GSDMC: variants seen among roughly 807,000 people sequenced by gnomAD.
The protein encoded by GSDMC is gasdermin-C.
GSDMC carries 59 observed loss-of-function variants against 58.0 expected under a neutral mutation model. The observed-to-expected ratio is 1.02, with a 90% CI of 0.82 to 1.26. The LOEUF (loss-of-function observed/expected upper bound fraction) is 1.26, where lower values mean the gene tolerates loss of function less well. GSDMC is among the 50% of genes most tolerant of loss of function. The pLI is 0.00. For missense variants in GSDMC, 659 were observed against 598.5 expected, an observed-to-expected ratio of 1.10 and a Z score of -1.06; for synonymous variants, 241 against 220.2, an observed-to-expected ratio of 1.09 and a Z score of -0.83.
At position 129,750,261 on chromosome 8, in the gene GSDMC, T is replaced by TG. The variant is rs1308879682; in HGVS notation, c.1084-143dup. On this transcript the variant is annotated intron_variant, in intron 11 of 13. Transcript: ENST00000276708. Reference sequence around the variant, plus strand: ...AGGGGATTCCAAGCAGCCTCAGTAGTGGGGGCGACACTTCCCTGGCCCATT... The same window carrying TG: ...AGGGGATTCCAAGCAGCCTCAGTAGTGGGGGGCGACACTTCCCTGGCCCATT... 5 of 998,562 alleles carry TG rather than the reference T, an allele frequency of 5.0e-6. No individual in the cohort carries two copies. The Admixed American group carries it at 1.1e-4, about 23-fold the overall frequency. The allele number at this position is 998,562 out of a possible 1,614,324, so 61.9% of individuals were successfully genotyped here. A position where few individuals can be genotyped will look rare whatever the true frequency, so the allele number is the denominator to read the frequency against.
At chr8:129,736,424 C>G in the GSDMC span, among the ~76,000 whole-genome samples, 2 of 152,226 alleles carry the variant, frequency 1.3e-5, no homozygotes, top group Non-Finnish European at 2.9e-5. Context: ...AGCAGCACAT[C>G]AAAAAGCTAT....
chr8:129,777,236 C>T, intron 2 of GSDMC, 132 bp downstream of exon 2: 1 of 583,654 alleles, frequency 1.7e-6, no homozygotes, highest in Non-Finnish European at 3.0e-6. Context: ...CGTTTCTTGC[C>T]CCTTGCCTAT....
At chr8:129,711,543 G>A in the GSDMC span, among the ~76,000 whole-genome samples, 1 of 152,126 alleles carries the variant, frequency 6.6e-6, no homozygotes, top group Non-Finnish European at 1.5e-5. Flanking sequence ...ATGAGTTCAA[G>A]ACTAAGGAAA....
chr8:129,778,074 T>C (rs926895256), intron 1 of GSDMC, among the ~76,000 whole-genome samples: 4 of 152,192 alleles, frequency 2.6e-5, no homozygotes, highest in African/African-American at 9.7e-5. Flanking sequence ...AGGCGGGGCT[T>C]ATGTTAAGAT....
At chr8:129,717,259 T>C in the GSDMC span, among the ~76,000 whole-genome samples, 1 of 149,976 alleles carries the variant, frequency 6.7e-6, no homozygotes, top group Admixed American at 6.6e-5. Flanking sequence ...GCTTTTTTTT[T>C]TTTTTTTTTT....
intron 3 of GSDMC, among the ~76,000 whole-genome samples, chr8:129,774,594 C>G (rs1330972219): frequency 6.7e-6 from 1 of 148,936 alleles, no homozygotes; most frequent in Admixed American, 6.7e-5. Context: ...AGTTTCTGAA[C>G]AGCAAAGGAA....
chr8:129,730,726 A>G, the GSDMC span, among the ~76,000 whole-genome samples: 2 of 152,342 alleles, frequency 1.3e-5, no homozygotes, highest in Admixed American at 1.3e-4. Flanking sequence ...GCAGTCTCCT[A>G]CTTAATGACA....
the GSDMC span, among the ~76,000 whole-genome samples, chr8:129,732,878 A>G: frequency 6.6e-6 from 1 of 152,220 alleles, no homozygotes; most frequent in Non-Finnish European, 1.5e-5. Context: ...CAGGAAGTGC[A>G]AGGGGTCACG....
At chr8:129,785,797 G>A (rs893963642) in intron 1 of GSDMC, among the ~76,000 whole-genome samples, 3 of 151,984 alleles carry the variant, frequency 2.0e-5, no homozygotes, top group Admixed American at 6.5e-5. Flanking sequence ...GCTTCTTTAA[G>A]ACTGGACCTG....
intron 3 of GSDMC, among the ~76,000 whole-genome samples, chr8:129,772,538 T>C (rs963930009): frequency 6.6e-6 from 1 of 152,064 alleles, no homozygotes; most frequent in African/African-American, 2.4e-5. Flanking sequence ...AATGGATAAA[T>C]TCCCAGAAAC....
At chr8:129,737,668 G>A in the GSDMC span, among the ~76,000 whole-genome samples, 2 of 152,176 alleles carry the variant, frequency 1.3e-5, no homozygotes, top group East Asian at 3.9e-4. Flanking sequence ...AATTCAAGAT[G>A]GATTAAAGAC....
chr8:129,725,330 T>A, the GSDMC span, among the ~76,000 whole-genome samples: 2 of 152,180 alleles, frequency 1.3e-5, no homozygotes, highest in South Asian at 4.1e-4. Flanking sequence ...TGACTACCTG[T>A]ATTCAAATCA....
At chr8:129,713,231 C>G in the GSDMC span, among the ~76,000 whole-genome samples, 1 of 152,206 alleles carries the variant, frequency 6.6e-6, no homozygotes, top group African/African-American at 2.4e-5. Context: ...TCTCTGAGAA[C>G]AATCTCCCTA....
At chr8:129,733,843 T>G in the GSDMC span, among the ~76,000 whole-genome samples, 1 of 152,098 alleles carries the variant, frequency 6.6e-6, no homozygotes, top group Non-Finnish European at 1.5e-5. Flanking sequence ...CTGACAGAAG[T>G]AGACTTCACA....
At chr8:129,752,859 A>G in intron 6 of GSDMC, 39 bp from the exon 7 acceptor site, 1 of 1,613,560 alleles carries the variant, frequency 6.2e-7, no homozygotes, top group Non-Finnish European at 8.5e-7. Flanking sequence ...GGGTAACTTT[A>G]CATTGAACTC....
the GSDMC span, among the ~76,000 whole-genome samples, chr8:129,734,153 C>T: frequency 5.3e-5 from 8 of 152,072 alleles, no homozygotes; most frequent in Non-Finnish European, 1.5e-5. Context: ...TGAACAAAGC[C>T]TCCAAGAAAT....
At chr8:129,730,177 G>A in the GSDMC span, 2 of 1,142,240 alleles carry the variant, frequency 1.8e-6, no homozygotes, top group Non-Finnish European at 2.4e-6. Flanking sequence ...AAAAAGTTAT[G>A]TGTAAAACTG....
chr8:129,764,384 G>A (rs965918948), intron 4 of GSDMC, among the ~76,000 whole-genome samples: 26 of 152,184 alleles, frequency 1.7e-4, no homozygotes, highest in Non-Finnish European at 1.6e-4. Context: ...TCAATCTCCC[G>A]CCTAGGCTGT....
chr8:129,775,908 G>A (rs1443933757), intron 3 of GSDMC, among the ~76,000 whole-genome samples, 194 bp downstream of exon 3: 1 of 152,124 alleles, frequency 6.6e-6, no homozygotes, highest in Non-Finnish European at 1.5e-5. Flanking sequence ...GCTCTAATAA[G>A]TATTTGTTAG....
Sources: gnomAD v4.1 joint callset for allele counts (sites outside exome capture counted in the v4.1 genomes callset) on GRCh38, gnomAD v4.1.1 for gene constraint, MANE v1.5 for transcripts, NCBI Gene and HGNC (gene_info 2026-07-23, HGNC 2026-07-21) for gene names.